The following LRP1B variants were observed in gnomAD, a reference collection of about 807,000 sequenced individuals.
The protein encoded by LRP1B is LDL receptor related protein 1B.
LRP1B carries 217 observed loss-of-function variants against 556.6 expected under a neutral mutation model. The observed-to-expected ratio is 0.39, with a 90% CI of 0.35 to 0.44. LRP1B has a LOEUF of 0.44. Among genes scored for constraint, LRP1B ranks in the 20% least tolerant of loss-of-function variants. The pLI is 1.00. For synonymous variants in LRP1B, 2,047 were observed against 1,865.8 expected (o/e 1.10, Z -2.50); for missense variants, 5,053 against 5,620.8 (o/e 0.90, Z 3.23).
intron 2 of LRP1B, among the ~76,000 whole-genome samples, chr2:141,724,846 T>C (rs1163003148): frequency 6.6e-6 from 1 of 152,002 alleles, no homozygotes; most frequent in Non-Finnish European, 1.5e-5. Context: ...GCATTTGTAT[T>C]CCACATTCTG....
intron 62 of LRP1B, among the ~76,000 whole-genome samples, chr2:140,454,027 T>C (rs1166166207): frequency 1.3e-5 from 2 of 152,182 alleles, no homozygotes; most frequent in Non-Finnish European, 2.9e-5. Context: ...AGATATATTT[T>C]CCTCTCATTA....
intron 2 of LRP1B, among the ~76,000 whole-genome samples, chr2:141,595,177 T>C (rs1687474530): frequency 6.6e-6 from 1 of 152,116 alleles, no homozygotes; most frequent in Non-Finnish European, 1.5e-5. Context: ...AATTAGAAGA[T>C]GAAATATAAG....
chr2:140,931,951 T>C (rs1223837356), intron 20 of LRP1B, among the ~76,000 whole-genome samples: 1 of 152,118 alleles, frequency 6.6e-6, no homozygotes, highest in Non-Finnish European at 1.5e-5. Context: ...GTAAAAGAAA[T>C]TGCAATGTGG....
At chr2:142,080,806 C>T (rs1198737250) in intron 1 of LRP1B, among the ~76,000 whole-genome samples, 1 of 152,176 alleles carries the variant, frequency 6.6e-6, no homozygotes, top group Non-Finnish European at 1.5e-5. Flanking sequence ...GGATACTACA[C>T]TTACCACAGG....
chr2:141,271,999 T>C (rs2679443), intron 3 of LRP1B, among the ~76,000 whole-genome samples: 6,891 of 152,104 alleles, frequency 0.045, 170 homozygotes, highest in South Asian at 0.1. Flanking sequence ...CATCAGATTG[T>C]AATCCACAGA....
At chr2:141,290,766 T>C (rs977715585) in intron 3 of LRP1B, among the ~76,000 whole-genome samples, 1 of 152,178 alleles carries the variant, frequency 6.6e-6, no homozygotes, top group Non-Finnish European at 1.5e-5. Context: ...AATTTTTATT[T>C]TGGGAATAAA....
At chr2:141,048,192 T>C (rs145464482) in intron 11 of LRP1B, among the ~76,000 whole-genome samples, 302 of 152,244 alleles carry the variant, frequency 2.0e-3, no homozygotes, top group African/African-American at 7.0e-3. Context: ...ATTTCTAAAA[T>C]ATTCAAGAAG....
chr2:141,188,423 T>C lies in LRP1B; in HGVS notation c.1011A>G (p.Ala337=). The C allele has an allele frequency of 6.2e-7, 1 of 1,610,930 alleles. No homozygotes were observed. The highest frequency in any genetic ancestry group is 8.5e-7 in the Non-Finnish European group (1 of 1,178,568). Reference sequence around the variant, plus strand: ...AAACACTATAAAGAATTTCTTACCCTGCTATTGGATCTACTGCTATTGCTT... The same window carrying C: ...AAACACTATAAAGAATTTCTTACCCCGCTATTGGATCTACTGCTATTGCTT... ...NPKAIAVDPI[A]GKLFFTDYGN... is the part of the protein sequence containing the mutation. The change falls in exon 7 of 91, where the codon GCA becomes GCG. Residue 337 remains alanine (A), a splice_region_variant and synonymous_variant. Transcript: ENST00000389484.
chr2:141,369,468 G>A (rs139639875), intron 3 of LRP1B, among the ~76,000 whole-genome samples: 27 of 152,184 alleles, frequency 1.8e-4, no homozygotes, highest in African/African-American at 6.5e-4. Context: ...TGAAGCCAAT[G>A]TCAACATTTT....
At chr2:140,445,933 CT>C (rs1381500503) in intron 63 of LRP1B, among the ~76,000 whole-genome samples, 2 of 151,958 alleles carry the variant, frequency 1.3e-5, no homozygotes, top group Non-Finnish European at 2.9e-5. Flanking sequence ...GAATCAAACA[CT>C]AATAAATAGC....
Position 140,321,976 on chromosome 2 carries a change from A to G in LRP1B, c.12627T>C (p.Asp4209=), listed in dbSNP as rs1680162827. Residue 4209 remains aspartate, a synonymous_variant, in exon 82 of 91, where the codon GAT becomes GAC. Transcript: ENST00000389484. ...GKYLINGTCN[D]DSLLDDSCKL... ...AAGTATACCCACCTAACAGGCTGTC[A>G]TCATTGCAGGTGCCATTAATCAAAT... 2 of 1,612,966 alleles carry G rather than the reference A, an allele frequency of 1.2e-6. No individual in the cohort carries two copies. The highest frequency in any genetic ancestry group is 1.1e-5 in the South Asian group (1 of 91,032).
At chr2:140,450,694 A>T (rs1272927736) in intron 62 of LRP1B, 33 bp from the exon 63 acceptor site, 2 of 1,476,562 alleles carry the variant, frequency 1.4e-6, no homozygotes, top group Non-Finnish European at 1.9e-6. Flanking sequence ...AAAAATGTTG[A>T]AGAACCCAGT....
At chr2:141,140,312 G>A (rs980505804) in intron 7 of LRP1B, among the ~76,000 whole-genome samples, 2 of 151,906 alleles carry the variant, frequency 1.3e-5, no homozygotes, top group Non-Finnish European at 2.9e-5. Flanking sequence ...CTTATTGAAC[G>A]TCAATTATAT....
chr2:141,887,413 T>A (rs1699161042), intron 1 of LRP1B, among the ~76,000 whole-genome samples: 1 of 152,234 alleles, frequency 6.6e-6, no homozygotes, highest in African/African-American at 2.4e-5. Flanking sequence ...TTGCTTATCA[T>A]GTGCTATTCT....
intron 7 of LRP1B, among the ~76,000 whole-genome samples, chr2:141,084,389 T>C (rs1292460869): frequency 2.0e-5 from 3 of 152,210 alleles, no homozygotes; most frequent in Non-Finnish European, 4.4e-5. Context: ...GCAAAAATGT[T>C]AAGGAACATT....
intron 3 of LRP1B, among the ~76,000 whole-genome samples, chr2:141,438,716 A>G (rs1045953331): frequency 6.6e-6 from 1 of 152,164 alleles, no homozygotes; most frequent in East Asian, 1.9e-4. Flanking sequence ...CCAGATCACC[A>G]TGATGAATCA....
At chr2:140,880,886 T>G (rs1026337339) in intron 25 of LRP1B, among the ~76,000 whole-genome samples, 6 of 152,192 alleles carry the variant, frequency 3.9e-5, no homozygotes, top group Admixed American at 2.6e-4. Flanking sequence ...TGCATTCATT[T>G]GTTTAACATT....
At chr2:141,888,472 G>A (rs1406105681) in intron 1 of LRP1B, among the ~76,000 whole-genome samples, 3 of 152,112 alleles carry the variant, frequency 2.0e-5, no homozygotes, top group Admixed American at 1.3e-4. Context: ...CTGAATCAAT[G>A]TCCCTGGATT....
At chr2:140,303,778 A>C (rs1442810810) in intron 83 of LRP1B, among the ~76,000 whole-genome samples, 1 of 150,996 alleles carries the variant, frequency 6.6e-6, no homozygotes, top group African/African-American at 2.4e-5. Flanking sequence ...CATTTACATT[A>C]GGTATATCTC....
Sources: allele counts gnomAD v4.1 joint callset (sites outside exome capture counted in the v4.1 genomes callset), GRCh38; gene constraint gnomAD v4.1.1; transcripts MANE v1.5; gene names NCBI Gene and HGNC (gene_info 2026-07-23, HGNC 2026-07-21).